Variants in MAGI2 observed in about 807,000 individuals in gnomAD.
MAGI2 encodes membrane associated guanylate kinase, WW and PDZ domain containing 2, also known as membrane-associated guanylate kinase, WW and PDZ domain-containing protein 2.
A neutral mutation model predicts 133.3 loss-of-function variants in MAGI2; 35 were observed. The observed-to-expected ratio is 0.26, with a 90% CI of 0.20 to 0.35. The LOEUF is 0.35. Ranked by LOEUF, MAGI2 falls within the 10% of genes least tolerant of loss-of-function variation. The pLI, the probability that MAGI2 is intolerant of heterozygous loss-of-function variation, is 1.00. For missense variants in MAGI2, 1,636 were observed against 1,863.4 expected (o/e 0.88, Z 2.25); for synonymous variants, 729 against 710.6 (o/e 1.03, Z -0.41).
intron 3 of MAGI2, among the ~76,000 whole-genome samples, chr7:78,573,772 T>C (rs1801981740): frequency 6.6e-6 from 1 of 151,932 alleles, no homozygotes; most frequent in African/African-American, 2.4e-5. Flanking sequence ...TCACTGCACA[T>C]TGAATGGTGA....
chr7:78,834,630 C>G (rs931142976), intron 2 of MAGI2, among the ~76,000 whole-genome samples: 12 of 152,116 alleles, frequency 7.9e-5, no homozygotes, highest in African/African-American at 2.2e-4. Flanking sequence ...TTGAGTAATT[C>G]TGCAAATGAA....
intron 3 of MAGI2, among the ~76,000 whole-genome samples, chr7:78,553,619 A>G (rs906762917): frequency 6.6e-6 from 1 of 152,246 alleles, no homozygotes; most frequent in African/African-American, 2.4e-5. Flanking sequence ...GCTACTGAGT[A>G]TGAAGCCCCA....
chr7:78,458,639 G>GTT (rs5885064), intron 6 of MAGI2, among the ~76,000 whole-genome samples: 5 of 146,370 alleles, frequency 3.4e-5, no homozygotes, highest in Admixed American at 1.4e-4. Flanking sequence ...TTTTTGTTAG[G>GTT]TTTTTTTTTT....
intron 2 of MAGI2, among the ~76,000 whole-genome samples, chr7:78,640,042 C>T (rs1810114936): frequency 6.6e-6 from 1 of 152,004 alleles, no homozygotes; most frequent in Admixed American, 6.6e-5. Context: ...AACCAGCAGC[C>T]CCATGGCCTA....
intron 2 of MAGI2, among the ~76,000 whole-genome samples, chr7:78,944,071 A>G (rs117037980): frequency 0.014 from 2,080 of 152,288 alleles, 20 homozygotes; most frequent in Non-Finnish European, 0.023. Context: ...ACAGGTGCTA[A>G]GTAAATTCCC....
intron 10 of MAGI2, among the ~76,000 whole-genome samples, chr7:78,203,055 T>C (rs1240202686): frequency 5.9e-5 from 9 of 152,216 alleles, no homozygotes; most frequent in Admixed American, 5.9e-4. Context: ...GACCATTGTC[T>C]TCAGTGAAGT....
chr7:78,811,659 T>C (rs1431901862), intron 2 of MAGI2, among the ~76,000 whole-genome samples: 1 of 152,182 alleles, frequency 6.6e-6, no homozygotes, highest in Non-Finnish European at 1.5e-5. Flanking sequence ...CAAAAGGAAG[T>C]GGGCTTAAAG....
chr7:78,958,228 T>C (rs1190499826), intron 2 of MAGI2, among the ~76,000 whole-genome samples: 2 of 152,118 alleles, frequency 1.3e-5, no homozygotes. Context: ...CCTTTGTCTA[T>C]GCCAGAAAAA....
chr7:79,331,138 T>C (rs1427760284), intron 1 of MAGI2, among the ~76,000 whole-genome samples: 1 of 152,186 alleles, frequency 6.6e-6, no homozygotes, highest in Non-Finnish European at 1.5e-5. Flanking sequence ...AAGATAATTC[T>C]ATTTATTAGA....
chr7:78,546,783 T>A (rs760314636), intron 3 of MAGI2, among the ~76,000 whole-genome samples: 58 of 152,196 alleles, frequency 3.8e-4, no homozygotes, highest in Non-Finnish European at 1.2e-4. Context: ...TGCCACATAG[T>A]AGCTATGTAA....
chr7:78,539,914 T>A (rs1363006611), intron 3 of MAGI2, among the ~76,000 whole-genome samples: 1 of 152,200 alleles, frequency 6.6e-6, no homozygotes, highest in East Asian at 1.9e-4. Flanking sequence ...GGGCCTCGGG[T>A]TCGCCAGGAT....
intron 2 of MAGI2, among the ~76,000 whole-genome samples, chr7:78,759,428 AT>A (rs201485885): frequency 1.3e-5 from 2 of 151,980 alleles, no homozygotes; most frequent in Non-Finnish European, 2.9e-5. Flanking sequence ...ATCACAAATA[AT>A]TTTTTTTCAC....
intron 1 of MAGI2, among the ~76,000 whole-genome samples, chr7:79,203,845 G>A (rs974260263): frequency 9.2e-5 from 14 of 151,970 alleles, no homozygotes; most frequent in Non-Finnish European, 1.9e-4. Context: ...CCAAGGAAGG[G>A]CAGTGCAAGG....
At chr7:78,728,070 T>C (rs921139020) in intron 2 of MAGI2, among the ~76,000 whole-genome samples, 1 of 152,078 alleles carries the variant, frequency 6.6e-6, no homozygotes, top group Non-Finnish European at 1.5e-5. Context: ...TAAAATTGAG[T>C]GAAGTTATAA....
At chr7:79,399,095 C>CTTTTTTTTTTTGTTTTTTTTTTTTTT (rs1845285384) in intron 1 of MAGI2, among the ~76,000 whole-genome samples, 1 of 106,300 alleles carries the variant, frequency 9.4e-6, no homozygotes, top group Admixed American at 9.9e-5. Flanking sequence ...TTTTTCTTTT[C>CTTTTTTTTTTTGTTTTTTTTTTTTTT]TTTTTTTTTT....
chr7:79,395,964 G>T (rs1845017704), intron 1 of MAGI2, among the ~76,000 whole-genome samples: 4 of 152,032 alleles, frequency 2.6e-5, no homozygotes, highest in African/African-American at 9.7e-5. Flanking sequence ...GTACATTGAG[G>T]TATCTATTGA....
At chr7:78,031,741 C>T (rs1258924348) in intron 21 of MAGI2, among the ~76,000 whole-genome samples, 3 of 152,092 alleles carry the variant, frequency 2.0e-5, no homozygotes, top group Admixed American at 6.5e-5. Flanking sequence ...ACTTATGTCA[C>T]GGGAGAGATG....
chr7:79,218,865 T>C (rs1247835810), intron 1 of MAGI2, among the ~76,000 whole-genome samples: 2 of 152,130 alleles, frequency 1.3e-5, no homozygotes, highest in Admixed American at 6.5e-5. Flanking sequence ...CCTTCGCCTA[T>C]GCTATTGCAT....
chr7:78,922,363 C>T (rs1198850746), intron 2 of MAGI2, among the ~76,000 whole-genome samples: 1 of 150,278 alleles, frequency 6.7e-6, no homozygotes, highest in Non-Finnish European at 1.5e-5. Flanking sequence ...CCACAACAGT[C>T]CCCAGAGTGT....
Sources: allele counts gnomAD v4.1 joint callset (sites outside exome capture counted in the v4.1 genomes callset), GRCh38; gene constraint gnomAD v4.1.1; transcripts MANE v1.5; gene names NCBI Gene and HGNC (gene_info 2026-07-23, HGNC 2026-07-21).